Variants in AGTPBP1 observed in about 807,000 individuals in gnomAD.
AGTPBP1 encodes ATP/GTP binding carboxypeptidase 1, also known as cytosolic carboxypeptidase 1.
Under a neutral mutation model 143.9 loss-of-function variants are expected in AGTPBP1, and 70 were observed. The observed-to-expected ratio is 0.49, with a 90% CI of 0.40 to 0.59. The LOEUF is 0.59. AGTPBP1 is among the 20% of genes least tolerant of loss of function. AGTPBP1 has a pLI of 0.00. For synonymous variants in AGTPBP1, 463 were observed against 500.2 expected (o/e 0.93, Z 0.99); for missense variants, 1,229 against 1,464.5 (o/e 0.84, Z 2.62).
chr9:85,734,772 CT>C (rs1197552670), intron 1 of AGTPBP1, among the ~76,000 whole-genome samples: 1 of 152,096 alleles, frequency 6.6e-6, no homozygotes, highest in Non-Finnish European at 1.5e-5. Context: ...CTCAAAAGAA[CT>C]GAAAGCAAGG....
At chr9:85,754,019 A>G in the AGTPBP1 span, among the ~76,000 whole-genome samples, 1 of 152,152 alleles carries the variant, frequency 6.6e-6, no homozygotes, top group Non-Finnish European at 1.5e-5. Flanking sequence ...AACTTTTATT[A>G]TTACAAAATT....
intron 1 of AGTPBP1, among the ~76,000 whole-genome samples, chr9:85,732,894 AT>A (rs1221228875): frequency 6.6e-6 from 1 of 152,184 alleles, no homozygotes; most frequent in Non-Finnish European, 1.5e-5. Flanking sequence ...AGTATATTAT[AT>A]ATTAATAAAA....
the AGTPBP1 span, among the ~76,000 whole-genome samples, chr9:85,762,133 G>T: frequency 2.6e-5 from 4 of 152,118 alleles, no homozygotes; most frequent in African/African-American, 9.7e-5. Context: ...AGGTGCTGGA[G>T]AGGATGTGGA....
At chr9:85,605,371 T>C (rs559654939) in intron 17 of AGTPBP1, among the ~76,000 whole-genome samples, 2 of 152,184 alleles carry the variant, frequency 1.3e-5, no homozygotes, top group African/African-American at 4.8e-5. Context: ...CCTTTGATCC[T>C]AGAATAGTAA....
At position 85,738,061 on chromosome 9, in the gene AGTPBP1, A is replaced by T. The variant is rs191663621; in HGVS notation, c.-34+3714T>A. 2.6e-3 allele frequency among the ~76,000 whole-genome samples: 403 copies of T among 152,168 alleles called. 1 individual carries two copies. Among genetic ancestry groups the T allele is most frequent in the Non-Finnish European group, 4.7e-3 (320 of 67,970 alleles). On this transcript the variant is annotated intron_variant, in intron 1 of 25. Transcript: ENST00000357081. ...TTCTCACTACCTTATTTTTTGTTTTAAAAAAAAGTTGTTTTCATTAAAAAT... is the reference window on the plus strand; with the variant it reads ...TTCTCACTACCTTATTTTTTGTTTTTAAAAAAAGTTGTTTTCATTAAAAAT...
chr9:85,675,568 A>G (rs1024045877), intron 6 of AGTPBP1, among the ~76,000 whole-genome samples: 1 of 152,172 alleles, frequency 6.6e-6, no homozygotes, highest in African/African-American at 2.4e-5. Context: ...TCTAGCCTCA[A>G]CAATACCCAT....
intron 2 of AGTPBP1, among the ~76,000 whole-genome samples, chr9:85,695,591 T>C (rs1325088600): frequency 2.6e-5 from 4 of 152,200 alleles, no homozygotes; most frequent in Admixed American, 6.5e-5. Flanking sequence ...CACCATGAAT[T>C]TGTAGTTTAA....
At chr9:85,590,365 T>C (rs1462920614) in intron 19 of AGTPBP1, among the ~76,000 whole-genome samples, 1 of 152,164 alleles carries the variant, frequency 6.6e-6, no homozygotes. Flanking sequence ...TAAACATATA[T>C]ATTCCTAATT....
At chr9:85,795,856 G>GTTTTTTTTTTT in the AGTPBP1 span, among the ~76,000 whole-genome samples, 3 of 70,670 alleles carry the variant, frequency 4.2e-5, no homozygotes, top group Non-Finnish European at 5.2e-5. Context: ...CTTCTTCTTA[G>GTTTTTTTTTTT]TTTTTTTTTT....
chr9:85,647,635 G>C (rs1832899995), intron 11 of AGTPBP1, among the ~76,000 whole-genome samples: 1 of 152,156 alleles, frequency 6.6e-6, no homozygotes, highest in Non-Finnish European at 1.5e-5. Context: ...ATTGTAAACT[G>C]CTTGGAGACA....
the AGTPBP1 span, among the ~76,000 whole-genome samples, chr9:85,758,710 T>A: frequency 1.3e-5 from 2 of 152,048 alleles, no homozygotes; most frequent in South Asian, 4.2e-4. Flanking sequence ...TACAAGTTAA[T>A]AGAAAGTAGG....
At chr9:85,671,185 CG>C (rs1485388850) in intron 7 of AGTPBP1, among the ~76,000 whole-genome samples, 1 of 151,890 alleles carries the variant, frequency 6.6e-6, no homozygotes, top group Non-Finnish European at 1.5e-5. Context: ...TGGCCTCAAG[CG>C]GTCCTTCTGC....
At chr9:85,680,537 T>C (rs897015506) in intron 4 of AGTPBP1, among the ~76,000 whole-genome samples, 1 of 151,732 alleles carries the variant, frequency 6.6e-6, no homozygotes, top group Non-Finnish European at 1.5e-5. Context: ...TGAGCCGAGA[T>C]TGCACCATTG....
At chr9:85,586,262 T>C (rs1828600413) in intron 22 of AGTPBP1, among the ~76,000 whole-genome samples, 1 of 151,468 alleles carries the variant, frequency 6.6e-6, no homozygotes, top group African/African-American at 2.4e-5. Flanking sequence ...AATGCTCCTA[T>C]AAAAAAACAC....
chr9:85,737,405 A>G (rs1295341994), intron 1 of AGTPBP1, among the ~76,000 whole-genome samples: 3 of 152,216 alleles, frequency 2.0e-5, no homozygotes, highest in African/African-American at 7.2e-5. Context: ...AGAAATGAAT[A>G]AACTGAGCTT....
At chr9:85,591,226 T>C (rs535507645) in intron 19 of AGTPBP1, among the ~76,000 whole-genome samples, 70 of 148,032 alleles carry the variant, frequency 4.7e-4, no homozygotes, top group Admixed American at 4.3e-3. Flanking sequence ...ACAGGGTGAA[T>C]CACGGTAAGA....
Position 85,564,403 on chromosome 9 carries a change from A to G in AGTPBP1, c.3503+10912T>C, listed in dbSNP as rs143651099. Among the ~76,000 whole-genome samples, 418 of 152,360 alleles carry G rather than the reference A, an allele frequency of 2.7e-3. 1 individual carries two copies. Among genetic ancestry groups the G allele is most frequent in the Non-Finnish European group, 4.6e-3 (312 of 68,038 alleles). On this transcript the variant is annotated intron_variant, in intron 25 of 25. Coordinates refer to ENST00000357081, the MANE Select transcript of AGTPBP1 (RefSeq NM_001330701.2). ...TGGTTGATTCCACAGGCTCACAGCTAAAGGAAAATTTGCCTCAGGACAAAT... is the reference window on the plus strand; with the variant it reads ...TGGTTGATTCCACAGGCTCACAGCTGAAGGAAAATTTGCCTCAGGACAAAT...
chr9:85,553,142 G>A (rs143042647), intron 25 of AGTPBP1, among the ~76,000 whole-genome samples: 21 of 152,108 alleles, frequency 1.4e-4, no homozygotes, highest in African/African-American at 5.1e-4. Flanking sequence ...TTTCTGTCAG[G>A]CTTAAATGGC....
the AGTPBP1 span, among the ~76,000 whole-genome samples, chr9:85,772,832 C>T: frequency 6.6e-6 from 1 of 152,140 alleles, no homozygotes; most frequent in Non-Finnish European, 1.5e-5. Flanking sequence ...TTGGAATTGT[C>T]TAGATGTTTC....
Sources: gnomAD v4.1 joint callset for allele counts (sites outside exome capture counted in the v4.1 genomes callset) on GRCh38, gnomAD v4.1.1 for gene constraint, MANE v1.5 for transcripts, NCBI Gene and HGNC (gene_info 2026-07-23, HGNC 2026-07-21) for gene names.